ASS1: variants seen among roughly 807,000 people sequenced by gnomAD.
ASS1 encodes the protein argininosuccinate synthase.
In ASS1, 58 loss-of-function variants were observed where a neutral mutation model predicts 60.5. The ratio of observed to expected loss-of-function variants is 0.96; its 90% CI spans 0.78 to 1.19. ASS1 has a LOEUF of 1.19. ASS1 is among the 50% of genes most tolerant of loss of function. The pLI, the probability that ASS1 is intolerant of heterozygous loss-of-function variation, is 0.00. For synonymous variants in ASS1, 200 were observed against 206.9 expected, an observed-to-expected ratio of 0.97 and a Z score of 0.29; for missense variants, 454 against 547.3, an observed-to-expected ratio of 0.83 and a Z score of 1.70.
Position 130,489,558 on chromosome 9 carries a change from A to T in ASS1, c.970+94A>T. On this transcript the variant is annotated intron_variant, in intron 12 of 14. Coordinates refer to ENST00000352480, the MANE Select transcript of ASS1 (RefSeq NM_054012.4). This position sits in a 1 kb window ranked among gnomAD's most constrained non-coding sequence, Gnocchi z 4.1. ...CGGGCCTGGCCCTCCCCTCCGTATCAGCACCTTCCTCCCCTGCCGCCCACT... is the reference window on the plus strand; with the variant it reads ...CGGGCCTGGCCCTCCCCTCCGTATCTGCACCTTCCTCCCCTGCCGCCCACT... 6.3e-7 allele frequency: 1 copy of T among 1,587,422 alleles called. No individual in the cohort carries two copies. Among genetic ancestry groups the T allele is most frequent in the Non-Finnish European group, 8.6e-7 (1 of 1,160,362 alleles).
At chr9:130,497,472 AGACCGT>A (rs1846633385) in intron 13 of ASS1, among the ~76,000 whole-genome samples, 1 of 149,778 alleles carries the variant, frequency 6.7e-6, no homozygotes, top group Non-Finnish European at 1.5e-5. Context: ...GGTTTTCTGT[AGACCGT>A]CAGGGGAGGT....
chr9:130,456,668 G>C (rs755891183), intron 3 of ASS1, among the ~76,000 whole-genome samples: 19 of 152,060 alleles, frequency 1.2e-4, no homozygotes, highest in Admixed American at 2.6e-4. Flanking sequence ...TGAAGGCCTT[G>C]GCTGGGTGCG....
At chr9:130,455,961 G>A (rs1355180395) in intron 3 of ASS1, among the ~76,000 whole-genome samples, 1 of 152,238 alleles carries the variant, frequency 6.6e-6, no homozygotes, top group African/African-American at 2.4e-5. Context: ...CTGGAGAGCA[G>A]AGGGGTTGTC....
intron 14 of ASS1, 105 bp downstream of exon 14, chr9:130,499,675 GCTGCCCTGCCCTGCC>G: frequency 1.6e-6 from 2 of 1,214,532 alleles, no homozygotes; most frequent in South Asian, 1.3e-5. Context: ...GACCTTGACT[GCTGCCCTGCCCTGCC>G]CTGCCCTGCC....
intron 12 of ASS1, among the ~76,000 whole-genome samples, chr9:130,493,063 C>T (rs1033801368): frequency 1.3e-5 from 2 of 152,144 alleles, no homozygotes; most frequent in African/African-American, 4.8e-5. Context: ...ATTATCCCAG[C>T]TCCGTCAGAA....
chr9:130,459,331 T>C lies in ASS1; in HGVS notation c.363+742T>C, dbSNP rs959252851. ...GCTGTCTTCTTCCTGTATCTCTGCA[T>C]TGTCTTCCCTCTGCTTGTCTGTTTA... is the stretch of plus-strand genomic sequence containing the variant. On this transcript the variant is annotated intron_variant, in intron 4 of 14. Transcript: ENST00000352480. The surrounding 1 kb of genome is among the most constrained non-coding windows in gnomAD (Gnocchi z 4.6). 5.9e-5 allele frequency among the ~76,000 whole-genome samples: 9 copies of C among 152,022 alleles called. No homozygotes were observed. The highest frequency in any genetic ancestry group is 2.2e-4 in the African/African-American group (9 of 41,388).
At chr9:130,457,034 C>T (rs1845464912) in intron 3 of ASS1, among the ~76,000 whole-genome samples, 1 of 152,056 alleles carries the variant, frequency 6.6e-6, no homozygotes, top group Non-Finnish European at 1.5e-5. Flanking sequence ...TTCATGTTAA[C>T]ATAAGTAACA....
chr9:130,484,307 T>C (rs951331329), intron 11 of ASS1, among the ~76,000 whole-genome samples: 11 of 152,158 alleles, frequency 7.2e-5, no homozygotes, highest in Non-Finnish European at 1.2e-4. Context: ...AAATTGCTCA[T>C]TCTGCCTAAC....
At position 130,448,073 on chromosome 9, in the gene ASS1, G is replaced by T. The variant is rs368953686; in HGVS notation, c.-6+3078G>T. 2.6e-5 allele frequency among the ~76,000 whole-genome samples: 4 copies of T among 151,950 alleles called. 1 individual carries two copies. The highest frequency in any genetic ancestry group is 1.9e-4 in the East Asian group (1 of 5,146). On this transcript the variant is annotated intron_variant, in intron 1 of 14. Coordinates refer to ENST00000352480, the MANE Select transcript of ASS1 (RefSeq NM_054012.4). ...AGTGAGCGCTCACTGGATTGCAGCT[G>T]TGGTTCCTTCTCTCCCTGTCACTTC...
intron 4 of ASS1, among the ~76,000 whole-genome samples, chr9:130,461,382 G>A (rs1433381840): frequency 7.3e-6 from 1 of 137,030 alleles, no homozygotes; most frequent in East Asian, 2.3e-4. Context: ...GGCCTTGGGG[G>A]CCGACAAAGG....
intron 1 of ASS1, among the ~76,000 whole-genome samples, chr9:130,446,682 A>C (rs1034955258): frequency 5.9e-5 from 9 of 152,168 alleles, no homozygotes; most frequent in Non-Finnish European, 8.8e-5. Flanking sequence ...AGCCAGGCCC[A>C]AAACAGCCTG....
At position 130,459,151 on chromosome 9, in the gene ASS1, C is replaced by T. The variant is rs991982551; in HGVS notation, c.363+562C>T. On this transcript the variant is annotated intron_variant, in intron 4 of 14. Coordinates refer to ENST00000352480, the MANE Select transcript of ASS1 (RefSeq NM_054012.4). This position sits in a 1 kb window ranked among gnomAD's most constrained non-coding sequence, Gnocchi z 4.6. The stretch of plus-strand genomic sequence containing the variant: ...CTGTTCTGCCTCATGGTTCTGGAGG[C>T]CTGAGGTCCATAGTGAGGGCATGGG... Among the ~76,000 whole-genome samples, 6 of 152,292 alleles carry T rather than the reference C, an allele frequency of 3.9e-5. No homozygotes were observed. The East Asian group carries it at 9.7e-4, about 25-fold the overall frequency.
chr9:130,479,750 C>T lies in ASS1; in HGVS notation c.723C>T (p.Gly241=), dbSNP rs1196992593. ...VPVKVTNVKD[G]TTHQTSLELF... ...TGAAGGTGACCAACGTCAAGGATGGCACCACCCACCAGACCTCCTTGGAGC... is the reference window on the plus strand; with the variant it reads ...TGAAGGTGACCAACGTCAAGGATGGTACCACCCACCAGACCTCCTTGGAGC... Residue 241 remains glycine, a synonymous_variant, in exon 10 of 15, where the codon GGC becomes GGT. Coordinates refer to ENST00000352480, the MANE Select transcript of ASS1 (RefSeq NM_054012.4). 7 of 1,614,192 alleles carry T rather than the reference C, an allele frequency of 4.3e-6. No individual in the cohort carries two copies. Among genetic ancestry groups the T allele is most frequent in the Non-Finnish European group, 5.9e-6 (7 of 1,180,006 alleles).
intron 11 of ASS1, among the ~76,000 whole-genome samples, chr9:130,486,724 G>A (rs181237651): frequency 6.6e-5 from 10 of 152,298 alleles, no homozygotes; most frequent in Non-Finnish European, 7.4e-5. Flanking sequence ...CACAGCACAC[G>A]ATACTCATAT....
chr9:130,457,330 G>A (rs1845470511), intron 3 of ASS1, among the ~76,000 whole-genome samples: 1 of 152,146 alleles, frequency 6.6e-6, no homozygotes, highest in South Asian at 2.1e-4. Flanking sequence ...ACTTAGCCGG[G>A]CGTGGTAGCA....
intron 4 of ASS1, 145 bp downstream of exon 4, chr9:130,458,734 T>C: frequency 3.4e-6 from 4 of 1,176,302 alleles, no homozygotes; most frequent in South Asian, 3.0e-5. Context: ...TAGACCCCAA[T>C]GAGAGGGGTA....
chr9:130,473,533 AAAG>A (rs1382534192), intron 8 of ASS1, among the ~76,000 whole-genome samples: 1 of 151,876 alleles, frequency 6.6e-6, no homozygotes, highest in Non-Finnish European at 1.5e-5. Context: ...GTCACTCTGG[AAAG>A]AAGTTTGCCC....
intron 4 of ASS1, among the ~76,000 whole-genome samples, chr9:130,460,413 C>G (rs995091086): frequency 6.6e-6 from 1 of 152,160 alleles, no homozygotes; most frequent in Non-Finnish European, 1.5e-5. Flanking sequence ...GGGCTCATTG[C>G]GTACCTTCAG....
At chr9:130,473,831 TC>T (rs1845935114) in intron 8 of ASS1, among the ~76,000 whole-genome samples, 1 of 152,250 alleles carries the variant, frequency 6.6e-6, no homozygotes, top group South Asian at 2.1e-4. Context: ...TGCTTTAACT[TC>T]ATACGGTCCA....
Sources: gnomAD v4.1 joint callset for allele counts (sites outside exome capture counted in the v4.1 genomes callset) on GRCh38, gnomAD v4.1.1 for gene constraint, Gnocchi (gnomAD v3.1) non-coding constraint, MANE v1.5 for transcripts, NCBI Gene and HGNC (gene_info 2026-07-23, HGNC 2026-07-21) for gene names.